Variants in ITSN1 observed in about 807,000 individuals in gnomAD.
The protein encoded by ITSN1 is intersectin-1.
Under a neutral mutation model 239.8 loss-of-function variants are expected in ITSN1, and 58 were observed. That is an observed-to-expected ratio of 0.24 (90% CI 0.20 to 0.30). The LOEUF (loss-of-function observed/expected upper bound fraction) is 0.30, where lower values mean the gene tolerates loss of function less well. Among genes scored for constraint, ITSN1 ranks in the 10% least tolerant of loss-of-function variants. ITSN1 has a pLI of 1.00. For synonymous variants in ITSN1, 780 were observed against 770.8 expected (o/e 1.01, Z -0.20); for missense variants, 1,558 against 2,103.3 (o/e 0.74, Z 5.07).
chr21:33,673,810 T>C (rs1314192809), intron 1 of ITSN1, among the ~76,000 whole-genome samples: 1 of 152,212 alleles, frequency 6.6e-6, no homozygotes, highest in Non-Finnish European at 1.5e-5. Flanking sequence ...AAATTTGCTA[T>C]TGGTGTTGGA....
chr21:33,658,682 T>C (rs1433293764), intron 1 of ITSN1, among the ~76,000 whole-genome samples: 1 of 152,194 alleles, frequency 6.6e-6, no homozygotes, highest in Non-Finnish European at 1.5e-5. Flanking sequence ...AGAGCATTGC[T>C]CACCTGCCAC....
At chr21:33,807,232 T>A (rs981221400) in intron 20 of ITSN1, among the ~76,000 whole-genome samples, 1 of 152,322 alleles carries the variant, frequency 6.6e-6, no homozygotes, top group South Asian at 2.1e-4. Context: ...TATGGCCCCC[T>A]CCTTCACTCC....
chr21:33,826,896 T>A, intron 26 of ITSN1, 33 bp downstream of exon 26: 1 of 1,565,796 alleles, frequency 6.4e-7, no homozygotes, highest in Non-Finnish European at 8.8e-7. Flanking sequence ...TACTTTTCAA[T>A]GTTTTGAATG....
At chr21:33,808,060 G>A (rs866228121) in intron 20 of ITSN1, among the ~76,000 whole-genome samples, 2 of 151,930 alleles carry the variant, frequency 1.3e-5, no homozygotes, top group African/African-American at 4.8e-5. Flanking sequence ...GGTGGCGGGC[G>A]CCTGTAGTCC....
chr21:33,711,210 G>A (rs956418903), intron 1 of ITSN1, among the ~76,000 whole-genome samples: 36 of 152,198 alleles, frequency 2.4e-4, no homozygotes, highest in African/African-American at 8.7e-4. Flanking sequence ...ATTGGCATAA[G>A]GCTTTTTACT....
chr21:33,812,309 G>A (rs994117256), intron 21 of ITSN1, among the ~76,000 whole-genome samples: 6 of 152,172 alleles, frequency 3.9e-5, no homozygotes, highest in Admixed American at 6.5e-5. Context: ...GATCAAATCA[G>A]TATGCCTCTT....
intron 5 of ITSN1, among the ~76,000 whole-genome samples, chr21:33,740,571 A>G (rs990280972): frequency 6.6e-6 from 1 of 152,188 alleles, no homozygotes; most frequent in Admixed American, 6.5e-5. Flanking sequence ...CTTGACAAGC[A>G]GTTTCAGTAT....
chr21:33,783,389 G>A (rs1365064051), intron 16 of ITSN1, among the ~76,000 whole-genome samples: 1 of 152,148 alleles, frequency 6.6e-6, no homozygotes, highest in Non-Finnish European at 1.5e-5. Flanking sequence ...AGAGTATTAG[G>A]TAATGATCTT....
chr21:33,705,418 C>T (rs1199077281), intron 1 of ITSN1, among the ~76,000 whole-genome samples: 5 of 152,122 alleles, frequency 3.3e-5, no homozygotes, highest in South Asian at 2.1e-4. Flanking sequence ...GACAGAGTCT[C>T]GCTCTATCAC....
In ITSN1 at chr21:33,826,401, C is replaced by A. The variant is rs550130437; in HGVS notation, c.3184-417C>A. Among the ~76,000 whole-genome samples the A allele has an allele frequency of 7.9e-5, 12 of 152,274 alleles. No individual in the cohort carries two copies. In the East Asian group the frequency reaches 2.3e-3, roughly 29 times the overall value. On this transcript the variant is annotated intron_variant, in intron 25 of 39. Coordinates refer to ENST00000381318, the MANE Select transcript of ITSN1 (RefSeq NM_003024.3). ...TAATGTGTTAAAACCGGGTAGTAGG[C>A]TCGTGAGTTATATTCCCTGTACTTT...
chr21:33,734,932 T>A, intron 4 of ITSN1, 112 bp from the exon 5 acceptor site: 2 of 793,238 alleles, frequency 2.5e-6, no homozygotes, highest in Non-Finnish European at 3.9e-6. Context: ...TCTGTTGTTG[T>A]CTCTAGGGGT....
intron 1 of ITSN1, among the ~76,000 whole-genome samples, chr21:33,717,775 G>T (rs1393859332): frequency 6.6e-6 from 1 of 151,998 alleles, no homozygotes; most frequent in Non-Finnish European, 1.5e-5. Context: ...TACCGTGTTA[G>T]CTAGGATGGT....
chr21:33,869,257 C>T (rs185233847), intron 33 of ITSN1, among the ~76,000 whole-genome samples: 2 of 152,324 alleles, frequency 1.3e-5, no homozygotes, highest in Non-Finnish European at 2.9e-5. Context: ...ACTCAGGAAA[C>T]TTACAATCAT....
At chr21:33,778,384 C>T (rs1465039577) in intron 14 of ITSN1, among the ~76,000 whole-genome samples, 2 of 152,040 alleles carry the variant, frequency 1.3e-5, no homozygotes, top group Non-Finnish European at 2.9e-5. Flanking sequence ...ATTTTGGTGG[C>T]ATTCACCAGT....
intron 1 of ITSN1, among the ~76,000 whole-genome samples, chr21:33,653,208 T>C (rs541321536): frequency 5.3e-5 from 8 of 152,274 alleles, no homozygotes; most frequent in African/African-American, 1.9e-4. Context: ...TTGGCCAGGC[T>C]GATCTCGAAC....
intron 12 of ITSN1, 90 bp downstream of exon 12, chr21:33,772,413 CT>C: frequency 6.9e-7 from 1 of 1,446,370 alleles, no homozygotes; most frequent in Non-Finnish European, 9.3e-7. Flanking sequence ...CCATCTTTGT[CT>C]TTTTACAATT....
At chr21:33,842,956 C>G (rs533693864) in intron 29 of ITSN1, among the ~76,000 whole-genome samples, 20 of 152,242 alleles carry the variant, frequency 1.3e-4, no homozygotes, top group African/African-American at 4.8e-4. Context: ...TACCTGTCCC[C>G]ACACACTCAT....
chr21:33,784,163 A>C (rs953060687), intron 16 of ITSN1, among the ~76,000 whole-genome samples: 1 of 152,196 alleles, frequency 6.6e-6, no homozygotes, highest in Admixed American at 6.5e-5. Flanking sequence ...TTTAATTAAT[A>C]TGATGAGTTT....
chr21:33,659,121 A>G (rs2089337445), intron 1 of ITSN1, among the ~76,000 whole-genome samples: 1 of 152,202 alleles, frequency 6.6e-6, no homozygotes. Context: ...GTGGTCAGTG[A>G]TCTACTTAAT....
Sources: allele counts gnomAD v4.1 joint callset (sites outside exome capture counted in the v4.1 genomes callset), GRCh38; gene constraint gnomAD v4.1.1; transcripts MANE v1.5; gene names NCBI Gene and HGNC (gene_info 2026-07-23, HGNC 2026-07-21).